Variants in COL15A1 observed in about 807,000 individuals in gnomAD.
COL15A1 encodes collagen type XV alpha 1 chain.
Under a neutral mutation model 165.9 loss-of-function variants are expected in COL15A1, and 111 were observed. That is an observed-to-expected ratio of 0.67 (90% CI 0.57 to 0.78). The LOEUF (loss-of-function observed/expected upper bound fraction) is 0.78. COL15A1 is among the 30% of genes least tolerant of loss of function. The pLI is 0.00. For synonymous variants in COL15A1, 659 were observed against 674.8 expected, an observed-to-expected ratio of 0.98 and a Z score of 0.36; for missense variants, 1,745 against 1,789.7, an observed-to-expected ratio of 0.98 and a Z score of 0.45.
At position 99,015,466 on chromosome 9, in the gene COL15A1, T is replaced by C. The variant is rs773565512; in HGVS notation, c.1403T>C (p.Val468Ala). The C allele has an allele frequency of 1.4e-5, 23 of 1,607,264 alleles. No individual in the cohort carries two copies. The highest frequency in any genetic ancestry group is 1.9e-5 in the Non-Finnish European group (22 of 1,174,430). Residue 468 changes from valine to alanine, a missense_variant, in exon 10 of 42, where the codon GTG becomes GCG. By Grantham distance (64) the Val-to-Ala change is moderately conservative. Coordinates refer to ENST00000375001, the MANE Select transcript of COL15A1 (RefSeq NM_001855.5). Reference protein sequence around the residue: ...SLTTAAAATEVSLSTFEDEEA... With the variant: ...SLTTAAAATEASLSTFEDEEA... ...ACAACAGCTGCAGCTGCAACCGAAG[T>C]GTCCCTCAGTACTTTTGAGGATGAG...
chr9:99,020,437 G>T lies in COL15A1; in HGVS notation c.1696G>T (p.Glu566Ter). The T allele has an allele frequency of 6.2e-7, 1 of 1,610,908 alleles. No homozygotes were observed. The highest frequency in any genetic ancestry group is 1.1e-5 in the South Asian group (1 of 91,018). ...GAAAGGACAGGCTGGGCCCAAAGGAGAAAAGGTTTGTGCTGTGACCATCCT... is the reference window on the plus strand; with the variant it reads ...GAAAGGACAGGCTGGGCCCAAAGGATAAAAGGTTTGTGCTGTGACCATCCT... ...GMKGQAGPKG[E>*]KGDAGEELPG... Residue 566 changes from glutamate to a stop codon, truncating the protein, a stop_gained, in exon 12 of 42, where the codon GAA becomes TAA. Transcript: ENST00000375001. LOFTEE classifies it high-confidence loss of function.
At chr9:99,015,878 T>C in intron 10 of COL15A1, 98 bp from the exon 11 acceptor site, 2 of 1,454,614 alleles carry the variant, frequency 1.4e-6, no homozygotes, top group Non-Finnish European at 9.5e-7. Context: ...AAGAACGTGC[T>C]TTGAAACTGG....
Position 99,069,833 on chromosome 9 carries a change from C to T in COL15A1, c.4114C>T (p.Arg1372Trp), listed in dbSNP as rs765319955. 8.7e-6 allele frequency: 14 copies of T among 1,614,016 alleles called. No homozygotes were observed. Among genetic ancestry groups the T allele is most frequent in the East Asian group, 2.2e-5 (1 of 44,896 alleles). ...LDQKAYSCAN[R>W]LIVLCIENSF... Reference sequence around the variant, plus strand: ...CCAGAAAGCATACAGCTGTGCTAATCGGCTAATTGTCCTATGTATCGAAAA... The same window carrying T: ...CCAGAAAGCATACAGCTGTGCTAATTGGCTAATTGTCCTATGTATCGAAAA... The change falls in exon 42 of 42, where the codon CGG becomes TGG. Residue 1372 changes from arginine to tryptophan, a missense_variant. Physicochemically the swap from Arg to Trp is moderately radical, Grantham distance 101 (BLOSUM62 -3). Coordinates refer to ENST00000375001, the MANE Select transcript of COL15A1 (RefSeq NM_001855.5).
chr9:98,984,551 T>C (rs779106220), intron 2 of COL15A1, among the ~76,000 whole-genome samples: 4 of 152,180 alleles, frequency 2.6e-5, no homozygotes, highest in Non-Finnish European at 4.4e-5. Context: ...CCTAACCTCA[T>C]AGGTTTGTTG....
At chr9:98,948,143 A>G (rs1837614035) in intron 2 of COL15A1, among the ~76,000 whole-genome samples, 1 of 152,180 alleles carries the variant, frequency 6.6e-6, no homozygotes, top group Non-Finnish European at 1.5e-5. Context: ...CTGGGTACAG[A>G]AAGGATTTGG....
chr9:99,054,091 C>T (rs1825670161), intron 31 of COL15A1, among the ~76,000 whole-genome samples: 1 of 152,212 alleles, frequency 6.6e-6, no homozygotes, highest in South Asian at 2.1e-4. Flanking sequence ...TGGGCATTCT[C>T]ACAACTTTGT....
intron 24 of COL15A1, among the ~76,000 whole-genome samples, chr9:99,043,776 G>A (rs949802): frequency 0.14 from 21,712 of 152,140 alleles, 1,855 homozygotes; most frequent in East Asian, 0.35. Flanking sequence ...GAAGTTTAGG[G>A]CCAAAGCCTC....
chr9:99,040,939 T>C (rs2119069133), intron 23 of COL15A1: 1 of 215,114 alleles, frequency 4.6e-6, no homozygotes, highest in African/African-American at 2.3e-5. Context: ...ATTGTGACCA[T>C]GACTCTGACC....
intron 16 of COL15A1, among the ~76,000 whole-genome samples, chr9:99,031,929 A>T (rs948582198): frequency 6.6e-6 from 1 of 152,038 alleles, no homozygotes; most frequent in Non-Finnish European, 1.5e-5. Context: ...TGGATTTTTT[A>T]AAATGTTTTT....
chr9:99,055,480 G>A, intron 34 of COL15A1, 108 bp downstream of exon 34: 2 of 692,726 alleles, frequency 2.9e-6, no homozygotes, highest in Non-Finnish European at 2.5e-6. Context: ...TAAGCTGGAG[G>A]CAGAGCTTGG....
chr9:99,019,595 T>C (rs567732583), intron 11 of COL15A1, among the ~76,000 whole-genome samples: 5 of 151,146 alleles, frequency 3.3e-5, no homozygotes, highest in Non-Finnish European at 5.9e-5. Context: ...ACTGCCATGG[T>C]GACTCTAGGT....
intron 30 of COL15A1, among the ~76,000 whole-genome samples, chr9:99,050,214 A>G (rs1839564454): frequency 6.6e-6 from 1 of 152,242 alleles, no homozygotes; most frequent in African/African-American, 2.4e-5. Context: ...GACCCGTTAG[A>G]AAACATAGAT....
rs200530946 is a variant in COL15A1, at chr9:99,036,322, G to A, written c.2335G>A (p.Gly779Arg). 7 of 1,614,012 alleles carry A rather than the reference G, an allele frequency of 4.3e-6. No homozygotes were observed. The highest frequency in any genetic ancestry group is 1.3e-5 in the African/African-American group (1 of 74,896). ...KGDRGPKGER[G>R]MDGASIVGPP... Reference sequence around the variant, plus strand: ...TTGCTGCTTTGACCAGGGAGAAAGGGGGATGGATGGAGCCAGTATTGTGGG... The same window carrying A: ...TTGCTGCTTTGACCAGGGAGAAAGGAGGATGGATGGAGCCAGTATTGTGGG... Residue 779 changes from glycine (G) to arginine (R), a missense_variant, in exon 21 of 42, where the codon GGG becomes AGG. Physicochemically the swap from Gly to Arg is moderately radical, Grantham distance 125. Coordinates refer to ENST00000375001, the MANE Select transcript of COL15A1 (RefSeq NM_001855.5).
In COL15A1 at chr9:99,015,705, G is replaced by T. The variant is rs962848524; in HGVS notation, c.1503+139G>T. The T allele has an allele frequency of 3.8e-5, 32 of 849,410 alleles. No homozygotes were observed. In the African/African-American group the frequency reaches 4.9e-4, roughly 13 times the overall value. The allele number at this position is 849,410 out of a possible 1,614,324, so 52.6% of individuals were successfully genotyped here. A position where few individuals can be genotyped will look rare whatever the true frequency, so the allele number is the denominator to read the frequency against. ...TGTCTGGGTGGGCAGCTGCTGGAGGGAGGCAGGACACAATGCTGGAGTGTA... is the reference window on the plus strand; with the variant it reads ...TGTCTGGGTGGGCAGCTGCTGGAGGTAGGCAGGACACAATGCTGGAGTGTA... On this transcript the variant is annotated intron_variant, in intron 10 of 41. Coordinates refer to ENST00000375001, the MANE Select transcript of COL15A1 (RefSeq NM_001855.5).
At chr9:98,977,647 C>T (rs1284424584) in intron 2 of COL15A1, among the ~76,000 whole-genome samples, 3 of 149,366 alleles carry the variant, frequency 2.0e-5, no homozygotes, top group Admixed American at 6.7e-5. Context: ...TCCCTCTTGG[C>T]GGACTCTGTG....
intron 5 of COL15A1, among the ~76,000 whole-genome samples, chr9:98,994,736 G>T (rs1041298119): frequency 6.6e-6 from 1 of 152,074 alleles, no homozygotes; most frequent in South Asian, 2.1e-4. Context: ...TCAGCAAATT[G>T]CAACACTTTT....
chr9:99,062,411 G>T, intron 38 of COL15A1, 107 bp downstream of exon 38: 1 of 845,084 alleles, frequency 1.2e-6, no homozygotes, highest in Non-Finnish European at 2.0e-6. Flanking sequence ...AGTCAGCTGT[G>T]CACGGTTTAG....
chr9:99,040,927 C>T (rs947618044), intron 23 of COL15A1: 8 of 224,216 alleles, frequency 3.6e-5, no homozygotes, highest in Non-Finnish European at 5.5e-5. Flanking sequence ...ACCATGACCA[C>T]GATTGTGACC....
intron 30 of COL15A1, 96 bp downstream of exon 30, chr9:99,049,991 A>T (rs1462077750): frequency 2.6e-6 from 4 of 1,533,326 alleles, no homozygotes; most frequent in Non-Finnish European, 3.6e-6. Flanking sequence ...TCTATCCTCA[A>T]ATGTCCTCTC....
Sources: gnomAD v4.1 joint callset for allele counts (sites outside exome capture counted in the v4.1 genomes callset) on GRCh38, gnomAD v4.1.1 for gene constraint, MANE v1.5 for transcripts, NCBI Gene and HGNC (gene_info 2026-07-23, HGNC 2026-07-21) for gene names.